The following CYFIP1 variants were observed in gnomAD, a reference collection of about 807,000 sequenced individuals.
The protein encoded by CYFIP1 is cytoplasmic FMR1 interacting protein 1.
Under a neutral mutation model 163.5 loss-of-function variants are expected in CYFIP1, and 58 were observed. The observed-to-expected ratio is 0.35, with a 90% CI of 0.29 to 0.44. The LOEUF is 0.44. CYFIP1 is among the 20% of genes least tolerant of loss of function. The probability of loss-of-function intolerance (pLI) is 1.00; values close to 1 mark genes in which losing one functional copy is unlikely to be tolerated. For synonymous variants in CYFIP1, 663 were observed against 660.7 expected, an observed-to-expected ratio of 1.00 and a Z score of -0.05; for missense variants, 1,338 against 1,653.8, an observed-to-expected ratio of 0.81 and a Z score of 3.31.
intron 20 of CYFIP1, among the ~76,000 whole-genome samples, chr15:22,910,095 C>A (rs1040310691): frequency 1.3e-5 from 2 of 152,238 alleles, no homozygotes; most frequent in African/African-American, 2.4e-5. Flanking sequence ...TTTATAAGGA[C>A]GTTCACAGTC....
rs187368881 is a variant in CYFIP1 at position 22,978,061 on chromosome 15, T to C, written c.-7+2226A>G. On this transcript the variant is annotated intron_variant, in intron 1 of 30. Transcript: ENST00000617928. ...GAAACATCCACACTACAGAATACTA[T>C]AGTGATTTGGCCGGGCACAGTGGCT... Among the ~76,000 whole-genome samples, 511 of 151,844 alleles carry C rather than the reference T, an allele frequency of 3.4e-3. 11 individuals carry two copies. Among genetic ancestry groups the C allele is most frequent in the Non-Finnish European group, 6.2e-4 (42 of 67,938 alleles).
intron 16 of CYFIP1, among the ~76,000 whole-genome samples, chr15:22,915,741 T>G (rs2060954058): frequency 6.6e-6 from 1 of 152,070 alleles, no homozygotes; most frequent in Non-Finnish European, 1.5e-5. Context: ...AGAGCAAGAC[T>G]TCGTCTCAAC....
intron 1 of CYFIP1, among the ~76,000 whole-genome samples, chr15:22,972,412 G>T (rs2063132379): frequency 6.6e-6 from 1 of 152,154 alleles, no homozygotes; most frequent in Non-Finnish European, 1.5e-5. Context: ...ACTCCAGCCT[G>T]GGTGACAGAG....
chr15:22,970,903 C>T (rs1037657999), intron 1 of CYFIP1, among the ~76,000 whole-genome samples: 1 of 151,964 alleles, frequency 6.6e-6, no homozygotes, highest in Non-Finnish European at 1.5e-5. Context: ...GGTGAAATCC[C>T]GTCTCTACTA....
At chr15:22,977,046 A>G (rs1207618476) in intron 1 of CYFIP1, among the ~76,000 whole-genome samples, 4 of 152,128 alleles carry the variant, frequency 2.6e-5, no homozygotes, top group African/African-American at 9.7e-5. Flanking sequence ...CTAAAAACAC[A>G]AAATTAGCCA....
intron 22 of CYFIP1, among the ~76,000 whole-genome samples, chr15:22,903,438 C>G (rs2060464336): frequency 6.6e-6 from 1 of 152,198 alleles, no homozygotes; most frequent in Admixed American, 6.5e-5. Context: ...GCAGACTCAC[C>G]CCACTTCCAC....
Position 22,892,657 on chromosome 15 carries a change from C to T in CYFIP1, c.2676+233G>A, listed in dbSNP as rs375931963. Among the ~76,000 whole-genome samples the T allele has an allele frequency of 6.6e-5, 10 of 152,300 alleles. No individual in the cohort carries two copies. The East Asian group carries it at 1.9e-3, about 29-fold the overall frequency. ...ACCTATCACAAGGCCAGAGCTGTCC[C>T]AACACTACGTACGCGCTAGTTCTAG... is the stretch of plus-strand genomic sequence containing the variant. On this transcript the variant is annotated intron_variant, in intron 23 of 30. Transcript: ENST00000617928.
At chr15:22,962,699 CG>C (rs772299140) in intron 1 of CYFIP1, among the ~76,000 whole-genome samples, 2 of 152,020 alleles carry the variant, frequency 1.3e-5, no homozygotes, top group Non-Finnish European at 2.9e-5. Flanking sequence ...CCACCACGCC[CG>C]GCCATAGCTC....
chr15:22,918,067 A>T (rs1028363368), intron 14 of CYFIP1, 132 bp from the exon 15 acceptor site: 1 of 1,042,786 alleles, frequency 9.6e-7, no homozygotes, highest in Non-Finnish European at 1.4e-6. Flanking sequence ...TCTGGGGGCC[A>T]TGGAGGGATG....
chr15:22,970,575 C>A (rs2063058726), intron 1 of CYFIP1, among the ~76,000 whole-genome samples: 1 of 152,150 alleles, frequency 6.6e-6, no homozygotes, highest in African/African-American at 2.4e-5. Context: ...AACAGTGTGG[C>A]ACTGGCATAA....
At chr15:22,916,738 C>G in intron 15 of CYFIP1, 108 bp from the exon 16 acceptor site, 1 of 1,612,808 alleles carries the variant, frequency 6.2e-7, no homozygotes, top group Non-Finnish European at 8.5e-7. Context: ...ACGCCCTGGT[C>G]GGGAGGGCCC....
At chr15:22,950,129 G>A (rs144618300) in intron 1 of CYFIP1, among the ~76,000 whole-genome samples, 20 of 152,168 alleles carry the variant, frequency 1.3e-4, no homozygotes, top group Admixed American at 9.8e-4. Flanking sequence ...ATAATAAAAT[G>A]GTAGACCTGA....
Position 22,903,914 on chromosome 15 carries a change from C to G in CYFIP1, c.2389-9G>C, listed in dbSNP as rs76396200. The G allele has an allele frequency of 6.7e-3, 10,748 of 1,613,226 alleles. 619 individuals are homozygous for G. The African/African-American group carries it at 0.12, about 18-fold the overall frequency. ...AACAGGCCATCCAGCTCCTGTGGCACCAAAGACAGGGGTGGGTGACAGAGC... is the reference window on the plus strand; with the variant it reads ...AACAGGCCATCCAGCTCCTGTGGCAGCAAAGACAGGGGTGGGTGACAGAGC... On this transcript the variant is annotated splice_polypyrimidine_tract_variant and intron_variant, in intron 21 of 30. Transcript: ENST00000617928.
chr15:22,949,986 T>C (rs1007886547), intron 1 of CYFIP1, among the ~76,000 whole-genome samples: 2 of 152,086 alleles, frequency 1.3e-5, no homozygotes, highest in East Asian at 3.9e-4. Flanking sequence ...AAAATTAACA[T>C]ACTTTTTAAA....
At chr15:22,963,861 G>A (rs7175101) in intron 1 of CYFIP1, among the ~76,000 whole-genome samples, 79,549 of 151,930 alleles carry the variant, frequency 0.52, 21,392 homozygotes, top group African/African-American at 0.63. Context: ...ATGCCTTCAT[G>A]AGGACGGCTT....
At chr15:22,977,601 T>C (rs902425148) in intron 1 of CYFIP1, among the ~76,000 whole-genome samples, 2 of 151,892 alleles carry the variant, frequency 1.3e-5, no homozygotes, top group African/African-American at 4.8e-5. Flanking sequence ...GAGGCCGAGG[T>C]GGGTGGATCA....
At chr15:22,899,706 G>A (rs956283832) in intron 22 of CYFIP1, among the ~76,000 whole-genome samples, 1 of 152,078 alleles carries the variant, frequency 6.6e-6, no homozygotes, top group African/African-American at 2.4e-5. Flanking sequence ...GTGTGAAAAT[G>A]GACTAATACA....
At chr15:22,915,312 T>C (rs976920088) in intron 16 of CYFIP1, among the ~76,000 whole-genome samples, 25 of 152,042 alleles carry the variant, frequency 1.6e-4, no homozygotes, top group African/African-American at 5.1e-4. Flanking sequence ...TTTATAGAGA[T>C]GGGGGTCTCG....
chr15:22,912,134 T>G, intron 18 of CYFIP1, 45 bp downstream of exon 18: 1 of 1,501,460 alleles, frequency 6.7e-7, no homozygotes, highest in Non-Finnish European at 9.2e-7. Context: ...AGAAAGGAGA[T>G]TTAATTGAAG....
Sources: allele counts gnomAD v4.1 joint callset (sites outside exome capture counted in the v4.1 genomes callset), GRCh38; gene constraint gnomAD v4.1.1; transcripts MANE v1.5; gene names NCBI Gene and HGNC (gene_info 2026-07-23, HGNC 2026-07-21).